DHRSX: variants seen among roughly 807,000 people sequenced by gnomAD.
DHRSX encodes the protein polyprenol dehydrogenase.
In DHRSX, 31 loss-of-function variants were observed where a neutral mutation model predicts 34.0. The observed-to-expected ratio is 0.91, with a 90% CI of 0.69 to 1.23. The LOEUF (loss-of-function observed/expected upper bound fraction) is 1.23. DHRSX is among the 50% of genes most tolerant of loss of function. The pLI, the probability that DHRSX is intolerant of heterozygous loss-of-function variation, is 0.00. For synonymous variants in DHRSX, 201 were observed against 183.8 expected, an observed-to-expected ratio of 1.09 and a Z score of -0.76; for missense variants, 414 against 428.1, an observed-to-expected ratio of 0.97 and a Z score of 0.29.
At chrX:2,323,816 TAG>T (rs1569488734) in intron 3 of DHRSX, among the ~76,000 whole-genome samples, 1 of 151,168 alleles carries the variant, frequency 6.6e-6, no homozygotes, top group Admixed American at 6.6e-5. Context: ...TTTTAGGTGA[TAG>T]GTGGTTACTA....
chrX:2,424,667 A>G (rs1389849016), intron 2 of DHRSX, among the ~76,000 whole-genome samples: 2 of 152,220 alleles, frequency 1.3e-5, no homozygotes, highest in African/African-American at 4.8e-5. Context: ...GAAACACAGG[A>G]TCAATATTTA....
At chrX:2,288,558 A>G (rs1158329186) in intron 4 of DHRSX, among the ~76,000 whole-genome samples, 2 of 152,220 alleles carry the variant, frequency 1.3e-5, no homozygotes, top group East Asian at 1.9e-4. Flanking sequence ...GTTGGAGGCC[A>G]TGGGTGAAGA....
At chrX:2,307,873 G>A (rs1359545735) in intron 3 of DHRSX, among the ~76,000 whole-genome samples, 5 of 151,856 alleles carry the variant, frequency 3.3e-5, no homozygotes, top group South Asian at 2.1e-4. Context: ...GGTGATCTGC[G>A]CATAGGACAC....
intron 2 of DHRSX, among the ~76,000 whole-genome samples, chrX:2,423,434 T>C (rs2043806145): frequency 6.6e-6 from 1 of 151,064 alleles, no homozygotes; most frequent in Non-Finnish European, 1.5e-5. Context: ...AATAAATAAA[T>C]AAATAAAATG....
intron 3 of DHRSX, among the ~76,000 whole-genome samples, chrX:2,311,440 C>T (rs1424694676): frequency 6.6e-6 from 1 of 152,158 alleles, no homozygotes; most frequent in Non-Finnish European, 1.5e-5. Flanking sequence ...CAGAAACCAC[C>T]TTCAGGATAA....
chrX:2,360,311 G>A (rs9785538), intron 3 of DHRSX, among the ~76,000 whole-genome samples: 78,061 of 152,008 alleles, frequency 0.51, 20,609 homozygotes, highest in Middle Eastern at 0.59. Flanking sequence ...GGGGCCAGGC[G>A]TGGTGGCTCA....
chrX:2,246,520 G>A (rs2016285642), intron 5 of DHRSX, among the ~76,000 whole-genome samples: 1 of 151,924 alleles, frequency 6.6e-6, no homozygotes, highest in African/African-American at 2.4e-5. Flanking sequence ...CTACTTGGGA[G>A]GCTGAGGCAG....
chrX:2,287,744 T>G (rs1196725222), intron 4 of DHRSX, among the ~76,000 whole-genome samples: 3 of 151,626 alleles, frequency 2.0e-5, no homozygotes, highest in African/African-American at 7.3e-5. Flanking sequence ...CCCAAAGATG[T>G]TCACATTCTA....
chrX:2,398,670 C>CTTTTT (rs34876710), intron 3 of DHRSX, among the ~76,000 whole-genome samples: 1 of 130,012 alleles, frequency 7.7e-6, no homozygotes, highest in Non-Finnish European at 1.6e-5. Context: ...ATGCATATTC[C>CTTTTT]TTTTTTTTTT....
chrX:2,316,880 G>A (rs149583437), intron 3 of DHRSX, among the ~76,000 whole-genome samples: 5,062 of 152,228 alleles, frequency 0.033, 240 homozygotes, highest in African/African-American at 0.1. Context: ...TTAGTTTAGA[G>A]GTTAATTTTG....
At chrX:2,316,548 C>A (rs190651431) in intron 3 of DHRSX, among the ~76,000 whole-genome samples, 10 of 151,784 alleles carry the variant, frequency 6.6e-5, no homozygotes, top group African/African-American at 2.4e-4. Flanking sequence ...CAAGACTCTG[C>A]CTCAAAAACA....
At chrX:2,298,610 A>ACACACACACACACACG (rs1556457185) in intron 3 of DHRSX, among the ~76,000 whole-genome samples, 6 of 64,718 alleles carry the variant, frequency 9.3e-5, no homozygotes, top group Non-Finnish European at 2.0e-4. Context: ...GTACACACAC[A>ACACACACACACACACG]CACACACACA....
chrX:2,247,908 C>T (rs1318573684), intron 5 of DHRSX, among the ~76,000 whole-genome samples: 1 of 151,900 alleles, frequency 6.6e-6, no homozygotes, highest in Non-Finnish European at 1.5e-5. Context: ...AGGTGGGTCC[C>T]GAAAACCAAA....
intron 2 of DHRSX, among the ~76,000 whole-genome samples, chrX:2,419,336 C>CAGG (rs2043741781): frequency 6.6e-6 from 1 of 152,168 alleles, no homozygotes; most frequent in Non-Finnish European, 1.5e-5. Context: ...CACTGACCCC[C>CAGG]TGGTCTTGGG....
At chrX:2,431,407 C>G (rs1412820879) in intron 1 of DHRSX, among the ~76,000 whole-genome samples, 1 of 151,622 alleles carries the variant, frequency 6.6e-6, no homozygotes, top group Non-Finnish European at 1.5e-5. Flanking sequence ...GATTCCATGT[C>G]TTTGCTTTTA....
chrX:2,337,196 T>A (rs2042579949), intron 3 of DHRSX, among the ~76,000 whole-genome samples: 1 of 152,172 alleles, frequency 6.6e-6, no homozygotes, highest in Non-Finnish European at 1.5e-5. Context: ...ACCGTGAATG[T>A]GAACTGATTT....
intron 3 of DHRSX, among the ~76,000 whole-genome samples, chrX:2,329,443 G>A (rs2042430198): frequency 6.6e-6 from 1 of 152,124 alleles, no homozygotes; most frequent in East Asian, 1.9e-4. Context: ...GTTTCTCGAA[G>A]CTGGGCCCAT....
At chrX:2,494,628 A>G (rs1182883763) in intron 1 of DHRSX, among the ~76,000 whole-genome samples, 1 of 151,836 alleles carries the variant, frequency 6.6e-6, no homozygotes, top group African/African-American at 2.4e-5. Context: ...ATGTTCTATT[A>G]TTATCATTAT....
intron 1 of DHRSX, among the ~76,000 whole-genome samples, chrX:2,450,995 G>T (rs1352659994): frequency 6.6e-6 from 1 of 151,978 alleles, no homozygotes; most frequent in Non-Finnish European, 1.5e-5. Context: ...TATGAACCAG[G>T]AAGTGGGTCC....
Sources: gnomAD v4.1 joint callset for allele counts (sites outside exome capture counted in the v4.1 genomes callset) on GRCh38, gnomAD v4.1.1 for gene constraint, MANE v1.5 for transcripts, NCBI Gene and HGNC (gene_info 2026-07-23, HGNC 2026-07-21) for gene names.